Variants in TPCN2 observed in about 807,000 individuals in gnomAD.
TPCN2 encodes two pore segment channel 2.
Under a neutral mutation model 111.4 loss-of-function variants are expected in TPCN2, and 92 were observed. That is an observed-to-expected ratio of 0.83 (90% CI 0.70 to 0.98). The LOEUF (loss-of-function observed/expected upper bound fraction) is 0.98. Ranked by LOEUF, TPCN2 falls within the 50% of genes least tolerant of loss-of-function variation. TPCN2 has a pLI of 0.00. For synonymous variants in TPCN2, 405 were observed against 414.5 expected (o/e 0.98, Z 0.28); for missense variants, 995 against 980.1 (o/e 1.02, Z -0.20).
At chr11:69,085,619 G>T in intron 20 of TPCN2, 52 bp from the exon 21 acceptor site, 1 of 1,201,582 alleles carries the variant, frequency 8.3e-7, no homozygotes, top group South Asian at 1.2e-5. Context: ...AAGGTATCAG[G>T]CCTCAGAACC....
intron 7 of TPCN2, among the ~76,000 whole-genome samples, chr11:69,065,917 T>C (rs1855253465): frequency 6.6e-6 from 1 of 152,090 alleles, no homozygotes; most frequent in African/African-American, 2.4e-5. Flanking sequence ...CCTGCAGAGC[T>C]GTGGCTTGGG....
At chr11:69,087,762 C>T (rs1411408092) in intron 24 of TPCN2, 113 bp from the exon 25 acceptor site, 32 of 751,472 alleles carry the variant, frequency 4.3e-5, no homozygotes, top group Non-Finnish European at 6.2e-5. Context: ...TCTCTGTGTC[C>T]CTGTGACACT....
intron 18 of TPCN2, among the ~76,000 whole-genome samples, chr11:69,082,976 T>A (rs1167994426): frequency 2.7e-5 from 4 of 149,962 alleles, no homozygotes; most frequent in Admixed American, 2.6e-4. Flanking sequence ...GATATCCTTG[T>A]GAACTCGTGC....
intron 23 of TPCN2, 59 bp downstream of exon 23, chr11:69,086,663 G>A: frequency 6.5e-7 from 1 of 1,544,574 alleles, no homozygotes; most frequent in South Asian, 1.1e-5. Context: ...ATTCACTCTC[G>A]ATGGGCCTGA....
Position 69,054,720 on chromosome 11 carries a change from G to A in TPCN2, c.175-1G>A. ...TGCCTCATGTGACTTTTCGCTTGTA[G>A]TACCGCTCCATCAACCACCGGGTGG... On this transcript the variant is annotated splice_acceptor_variant, in intron 2 of 24. Transcript: ENST00000294309. LOFTEE classifies it high-confidence loss of function. 6.2e-7 allele frequency: 1 copy of A among 1,614,138 alleles called. No individual in the cohort carries two copies. Among genetic ancestry groups the A allele is most frequent in the Non-Finnish European group, 8.5e-7 (1 of 1,179,988 alleles).
chr11:69,067,360 T>A, intron 7 of TPCN2, 143 bp from the exon 8 acceptor site: 1 of 747,792 alleles, frequency 1.3e-6, no homozygotes, highest in South Asian at 1.6e-5. Flanking sequence ...TGTCTGGCCA[T>A]GAGCTCAGCC....
rs752813308 is a variant in TPCN2, at chr11:69,057,665, A to G, written c.517A>G (p.Thr173Ala). 6.8e-6 allele frequency: 11 copies of G among 1,613,898 alleles called. No homozygotes were observed. The highest frequency in any genetic ancestry group is 9.3e-6 in the Non-Finnish European group (11 of 1,180,006). ...GCTGGTGGTGTCTCTGGTGGACTGG[A>G]CCGTGTCCCTGAGTCTCGTGTGTCA... ...VVLVVSLVDW[T>A]VSLSLVCHEP... The change falls in exon 5 of 25, where the codon ACC (threonine) becomes GCC (alanine). Residue 173 changes from threonine (T) to alanine (A), a missense_variant. By Grantham distance (58) the Thr-to-Ala change is moderately conservative. Transcript: ENST00000294309.
At chr11:69,059,487 G>A (rs1176504765) in intron 5 of TPCN2, among the ~76,000 whole-genome samples, 6 of 152,212 alleles carry the variant, frequency 3.9e-5, no homozygotes, top group African/African-American at 1.2e-4. Context: ...GGTCCCAGTG[G>A]GTCCTGGCTG....
chr11:69,061,378 G>A (rs1421291569), intron 5 of TPCN2, among the ~76,000 whole-genome samples: 2 of 152,208 alleles, frequency 1.3e-5, no homozygotes, highest in African/African-American at 2.4e-5. Context: ...GTTGTCGGAG[G>A]GTTTTGGTTT....
intron 13 of TPCN2, among the ~76,000 whole-genome samples, chr11:69,073,854 G>C (rs1269966546): frequency 1.3e-5 from 2 of 151,186 alleles, no homozygotes; most frequent in Non-Finnish European, 2.9e-5. Flanking sequence ...GCCTCTCCCT[G>C]TGTCCTCACC....
chr11:69,076,959 T>C (rs1855795956), intron 13 of TPCN2, among the ~76,000 whole-genome samples: 2 of 63,750 alleles, frequency 3.1e-5, no homozygotes, highest in Admixed American at 1.9e-4. Flanking sequence ...GCTGTGTCCC[T>C]CCACCTGCCC....
chr11:69,082,742 T>A (rs36015258), intron 18 of TPCN2, among the ~76,000 whole-genome samples: 1 of 23,640 alleles, frequency 4.2e-5, no homozygotes, highest in African/African-American at 2.0e-4. Context: ...CTCGTGCCCG[T>A]GTAAGACGCA....
At chr11:69,086,660 C>A (rs1485278180) in intron 23 of TPCN2, 56 bp downstream of exon 23, 2 of 1,543,670 alleles carry the variant, frequency 1.3e-6, no homozygotes, top group African/African-American at 2.7e-5. Context: ...CTAATTCACT[C>A]TCGATGGGCC....
At position 69,087,931 on chromosome 11, in the gene TPCN2, C is replaced by A. The variant is rs755078998; in HGVS notation, c.2237C>A (p.Pro746Gln). ...CTCACAGAGAGGCTGAGCCAGCACCCGCACCTGTGGCTGTGCAGGTGACGT... is the reference window on the plus strand; with the variant it reads ...CTCACAGAGAGGCTGAGCCAGCACCAGCACCTGTGGCTGTGCAGGTGACGT... ...DELTERLSQH[P>Q]HLWLCR Residue 746 changes from proline to glutamine, a missense_variant, in exon 25 of 25, where the codon CCG becomes CAG. By Grantham distance (76) the Pro-to-Gln change is moderately conservative (BLOSUM62 -1). Transcript: ENST00000294309. 1.2e-6 allele frequency: 2 copies of A among 1,611,098 alleles called. No homozygotes were observed. Among genetic ancestry groups the A allele is most frequent in the Non-Finnish European group, 1.7e-6 (2 of 1,179,564 alleles).
chr11:69,065,994 C>T (rs11228474), intron 7 of TPCN2, among the ~76,000 whole-genome samples: 68,270 of 151,864 alleles, frequency 0.45, 15,827 homozygotes, highest in Non-Finnish European at 0.52. Context: ...GAGCGTGAGG[C>T]CTGCTGGGAG....
At chr11:69,054,650 G>A (rs1854668967) in intron 2 of TPCN2, 71 bp from the exon 3 acceptor site, 4 of 1,404,064 alleles carry the variant, frequency 2.8e-6, no homozygotes, top group Non-Finnish European at 4.0e-6. Context: ...TCTCGTGTGT[G>A]GTGTGGGGCT....
intron 4 of TPCN2, 46 bp from the exon 5 acceptor site, chr11:69,057,532 C>T (rs1289887811): frequency 1.3e-6 from 2 of 1,553,630 alleles, no homozygotes; most frequent in Admixed American, 1.7e-5. Flanking sequence ...GCTGCAGGGC[C>T]AGCGTGTGGG....
intron 18 of TPCN2, among the ~76,000 whole-genome samples, chr11:69,083,652 G>T (rs540757343): frequency 6.6e-6 from 1 of 152,338 alleles, no homozygotes; most frequent in East Asian, 1.9e-4. Context: ...TTGGGATGCG[G>T]GAGTGGGTGA....
chr11:69,048,955 G>A lies in TPCN2; in HGVS notation c.-43G>A, dbSNP rs1321033074. ...GCGCAGTGAAGCTGGGCGCCTTCGG[G>A]GCTTGAGCTTCTGAGGGTCGGGTCC... On this transcript the variant is annotated 5_prime_UTR_variant, in exon 1 of 25. Transcript: ENST00000294309. The A allele has an allele frequency of 8.3e-7, 1 of 1,203,692 alleles. No individual in the cohort carries two copies. The highest frequency in any genetic ancestry group is 1.6e-5 in the African/African-American group (1 of 63,888). 74.6% of individuals were successfully genotyped at this position (1,203,692 alleles called of 1,614,324 possible).
Sources: gnomAD v4.1 joint callset for allele counts (sites outside exome capture counted in the v4.1 genomes callset) on GRCh38, gnomAD v4.1.1 for gene constraint, MANE v1.5 for transcripts, NCBI Gene and HGNC (gene_info 2026-07-23, HGNC 2026-07-21) for gene names.